Variants in SLC38A12 observed in about 807,000 individuals in gnomAD.
SLC38A12 encodes putative sodium-coupled neutral amino acid transporter 12.
At chr17:74,834,173 T>A in the SLC38A12 span, among the ~76,000 whole-genome samples, 4 of 152,140 alleles carry the variant, frequency 2.6e-5, no homozygotes, top group Admixed American at 1.3e-4. Context: ...GGTCCTGGGC[T>A]GTCCCACAGG....
chr17:74,791,814 T>A, the SLC38A12 span, among the ~76,000 whole-genome samples: 1 of 152,242 alleles, frequency 6.6e-6, no homozygotes, highest in Non-Finnish European at 1.5e-5. Flanking sequence ...ATCTTATATC[T>A]CCATGGCAAA....
chr17:74,791,292 G>GGA, the SLC38A12 span, among the ~76,000 whole-genome samples: 2 of 151,460 alleles, frequency 1.3e-5, no homozygotes, highest in Admixed American at 6.6e-5. Context: ...ACTCCAGCCA[G>GGA]GGTCAGGAAC....
the SLC38A12 span, among the ~76,000 whole-genome samples, chr17:74,835,255 C>T: frequency 3.9e-5 from 6 of 152,332 alleles, no homozygotes; most frequent in South Asian, 8.3e-4. Context: ...GCTCAGGACT[C>T]GGCAGTCCGC....
chr17:74,826,391 T>C, the SLC38A12 span, among the ~76,000 whole-genome samples: 2 of 152,198 alleles, frequency 1.3e-5, no homozygotes, highest in African/African-American at 4.8e-5. Context: ...CCTCGTCCTA[T>C]AAAGCTGCTT....
the SLC38A12 span, among the ~76,000 whole-genome samples, chr17:74,785,275 G>A: frequency 2.0e-5 from 3 of 152,210 alleles, no homozygotes; most frequent in Admixed American, 6.5e-5. Context: ...AGTCATCCAT[G>A]TGTTCATGTT....
At chr17:74,776,622 G>T in the SLC38A12 span, 3 of 150,402 alleles carry the variant, frequency 2.0e-5, no homozygotes, top group Admixed American at 6.6e-5. Context: ...AGGACGAGAC[G>T]GGTCGGGATA....
chr17:74,795,293 T>C, the SLC38A12 span, among the ~76,000 whole-genome samples: 1 of 152,348 alleles, frequency 6.6e-6, no homozygotes, highest in African/African-American at 2.4e-5. Context: ...TTAGCTCATG[T>C]CACTGTCCCC....
the SLC38A12 span, chr17:74,836,292 A>G: frequency 2.5e-6 from 4 of 1,612,286 alleles, no homozygotes; most frequent in African/African-American, 1.3e-5. This position sits in a 1 kb window ranked among gnomAD's most constrained non-coding sequence, Gnocchi z 4.2. Context: ...CTTCACCATC[A>G]GCACCAACTT....
At chr17:74,788,782 C>G in the SLC38A12 span, 2 of 1,612,388 alleles carry the variant, frequency 1.2e-6, no homozygotes, top group Non-Finnish European at 8.5e-7. Flanking sequence ...GCACTCGGCC[C>G]CCTCAGCTTC....
chr17:74,822,745 G>A, the SLC38A12 span, among the ~76,000 whole-genome samples: 1 of 152,200 alleles, frequency 6.6e-6, no homozygotes, highest in African/African-American at 2.4e-5. Context: ...AGCGCAGCTG[G>A]GTCTAGGGTT....
the SLC38A12 span, chr17:74,837,911 C>T: frequency 1.0e-6 from 1 of 985,640 alleles, no homozygotes. Flanking sequence ...TCCTGGAGCC[C>T]AGAGCCCCTG....
At chr17:74,798,471 A>C in the SLC38A12 span, among the ~76,000 whole-genome samples, 2 of 151,256 alleles carry the variant, frequency 1.3e-5, no homozygotes, top group African/African-American at 4.9e-5. Context: ...TTCCAACCCC[A>C]CTCCTTGTGC....
the SLC38A12 span, among the ~76,000 whole-genome samples, chr17:74,826,975 C>T: frequency 4.6e-5 from 7 of 152,130 alleles, 1 homozygote; most frequent in Admixed American, 3.9e-4. Flanking sequence ...CCATCCCTGA[C>T]CCCCAGAGCC....
chr17:74,780,455 A>T, the SLC38A12 span, among the ~76,000 whole-genome samples: 1 of 152,196 alleles, frequency 6.6e-6, no homozygotes, highest in Admixed American at 6.5e-5. Context: ...TTTAGAATGC[A>T]TGCATTGGTC....
the SLC38A12 span, among the ~76,000 whole-genome samples, chr17:74,830,640 C>T: frequency 6.6e-6 from 1 of 152,264 alleles, no homozygotes; most frequent in African/African-American, 2.4e-5. Context: ...GATGCCCGTA[C>T]ACTGGATGTG....
the SLC38A12 span, chr17:74,838,287 G>A: frequency 1.0e-6 from 1 of 985,736 alleles, no homozygotes; most frequent in African/African-American, 1.7e-5. Flanking sequence ...CTATCATTGC[G>A]ACTTCCTCCC....
At chr17:74,832,663 C>T in the SLC38A12 span, among the ~76,000 whole-genome samples, 7 of 152,348 alleles carry the variant, frequency 4.6e-5, 1 homozygote, top group Middle Eastern at 6.8e-3. Context: ...TCCATGCAGC[C>T]GAGCTGCCAC....
At chr17:74,792,849 G>A in the SLC38A12 span, among the ~76,000 whole-genome samples, 1 of 152,344 alleles carries the variant, frequency 6.6e-6, no homozygotes, top group African/African-American at 2.4e-5. Context: ...CCGCATCTGT[G>A]CTTCTCCTTT....
the SLC38A12 span, among the ~76,000 whole-genome samples, chr17:74,811,111 C>A: frequency 6.6e-6 from 1 of 152,158 alleles, no homozygotes. Flanking sequence ...AGGCAGATTG[C>A]TTGAGCTCAG....
Sources: allele counts gnomAD v4.1 joint callset (sites outside exome capture counted in the v4.1 genomes callset), GRCh38; gene constraint gnomAD v4.1.1; non-coding constraint Gnocchi (gnomAD v3.1); transcripts MANE v1.5; gene names NCBI Gene and HGNC (gene_info 2026-07-23, HGNC 2026-07-21).